The following SV2C variants were observed in gnomAD, a reference collection of about 807,000 sequenced individuals.
The protein encoded by SV2C is solute carrier family 22 member B3.
A neutral mutation model predicts 79.7 loss-of-function variants in SV2C; 49 were observed. The observed-to-expected ratio is 0.61, with a 90% CI of 0.49 to 0.78. The LOEUF is 0.78. Ranked by LOEUF, SV2C falls within the 30% of genes least tolerant of loss-of-function variation. The pLI is 0.00. For missense variants in SV2C, 833 were observed against 912.9 expected (o/e 0.91, Z 1.13); for synonymous variants, 334 against 333.2 (o/e 1.00, Z -0.03).
At chr5:76,232,109 C>T (rs931256048) in intron 4 of SV2C, among the ~76,000 whole-genome samples, 3 of 149,702 alleles carry the variant, frequency 2.0e-5, no homozygotes, top group African/African-American at 7.7e-5. Context: ...GTTGTTTCCT[C>T]ACTTTTTAAT....
chr5:76,182,170 G>T (rs1743754364), intron 2 of SV2C, among the ~76,000 whole-genome samples: 1 of 151,894 alleles, frequency 6.6e-6, no homozygotes, highest in Non-Finnish European at 1.5e-5. Context: ...TTATTGATTT[G>T]CATGTGTTGC....
chr5:76,080,531 C>T (rs1362509392), upstream of SV2C, among the ~76,000 whole-genome samples: 6 of 152,158 alleles, frequency 3.9e-5, no homozygotes, highest in African/African-American at 1.4e-4. Flanking sequence ...ATTCTATACC[C>T]ATTGTGTACT....
At chr5:76,280,929 C>A (rs148933170) in intron 4 of SV2C, 1 of 528,954 alleles carries the variant, frequency 1.9e-6, no homozygotes, top group African/African-American at 1.9e-5. Flanking sequence ...GCTGAGAGCG[C>A]GACAGGGTCT....
At chr5:76,183,030 A>ACC (rs1743797252) in intron 2 of SV2C, among the ~76,000 whole-genome samples, 1 of 102,072 alleles carries the variant, frequency 9.8e-6, no homozygotes, top group African/African-American at 4.1e-5. Context: ...AGAACCTACC[A>ACC]TTTTTTTTTT....
the SV2C span, among the ~76,000 whole-genome samples, chr5:76,048,989 AAGAAAG>A: frequency 8.4e-5 from 8 of 95,456 alleles, no homozygotes; most frequent in South Asian, 5.4e-4. Flanking sequence ...GAAAGAAAGA[AAGAAAG>A]AAAGAAAGAA....
chr5:76,265,223 T>G lies in SV2C; in HGVS notation c.914-19939T>G, dbSNP rs191227603. Among the ~76,000 whole-genome samples, 41 of 152,314 alleles carry G rather than the reference T, an allele frequency of 2.7e-4. No homozygotes were observed. In the East Asian group the frequency reaches 7.1e-3, roughly 27 times the overall value. ...ATGCTGTGTTGAGCTCCACCCAGTC[T>G]GAACTTCCAGGCCTCCTTAGTGCCG... On this transcript the variant is annotated intron_variant, in intron 4 of 12. Coordinates refer to ENST00000502798, the MANE Select transcript of SV2C (RefSeq NM_014979.4).
At chr5:76,011,938 A>T in the SV2C span, among the ~76,000 whole-genome samples, 2 of 151,802 alleles carry the variant, frequency 1.3e-5, no homozygotes, top group African/African-American at 4.8e-5. Flanking sequence ...AAGGACGTGA[A>T]CTCATTTTTT....
chr5:75,859,787 A>G, the SV2C span, among the ~76,000 whole-genome samples: 2,847 of 152,268 alleles, frequency 0.019, 47 homozygotes, highest in Middle Eastern at 0.048. Flanking sequence ...TAAAGATCTT[A>G]AGTAGTTTAG....
At chr5:76,086,517 G>A (rs567628638) in intron 1 of SV2C, among the ~76,000 whole-genome samples, 5 of 152,166 alleles carry the variant, frequency 3.3e-5, no homozygotes, top group Non-Finnish European at 7.4e-5. Context: ...GTATTTCTTG[G>A]TTCCATGTTG....
At chr5:76,172,058 A>G (rs1157021422) in intron 2 of SV2C, among the ~76,000 whole-genome samples, 1 of 72,564 alleles carries the variant, frequency 1.4e-5, no homozygotes, top group Non-Finnish European at 2.7e-5. Context: ...AGCCGCCCCT[A>G]CTGGGAAGTG....
At chr5:75,893,444 AG>A in the SV2C span, among the ~76,000 whole-genome samples, 2 of 152,172 alleles carry the variant, frequency 1.3e-5, no homozygotes, top group Non-Finnish European at 2.9e-5. Context: ...TGTCCTTTGC[AG>A]CAACGTGGAA....
At chr5:76,102,930 C>T (rs1372987462) in intron 1 of SV2C, among the ~76,000 whole-genome samples, 1 of 152,178 alleles carries the variant, frequency 6.6e-6, no homozygotes, top group African/African-American at 2.4e-5. Flanking sequence ...GCAGCCTTAA[C>T]ATTTAGAAGA....
At chr5:75,997,207 T>G in the SV2C span, among the ~76,000 whole-genome samples, 4 of 152,140 alleles carry the variant, frequency 2.6e-5, no homozygotes, top group Admixed American at 1.3e-4. Context: ...CTTGTTGAAT[T>G]TCGTCAAAGG....
chr5:75,921,392 T>C, the SV2C span: 1 of 844,580 alleles, frequency 1.2e-6, no homozygotes, highest in Non-Finnish European at 2.1e-6. Flanking sequence ...CTGCCCTGGG[T>C]CAAACTGCGC....
intron 12 of SV2C, among the ~76,000 whole-genome samples, chr5:76,303,518 T>A (rs984127824): frequency 1.3e-5 from 2 of 152,192 alleles, no homozygotes; most frequent in African/African-American, 2.4e-5. Context: ...GGCTAGGTCA[T>A]AGCCTCCTTC....
the SV2C span, among the ~76,000 whole-genome samples, chr5:75,906,149 C>T: frequency 3.7e-4 from 57 of 152,072 alleles, no homozygotes; most frequent in Middle Eastern, 3.4e-3. Context: ...AGTAACAAGC[C>T]TCAGTTGTGA....
At chr5:75,870,334 G>A in the SV2C span, among the ~76,000 whole-genome samples, 1 of 151,864 alleles carries the variant, frequency 6.6e-6, no homozygotes, top group Non-Finnish European at 1.5e-5. Context: ...AAAGAATCAA[G>A]CAGAAATCTG....
intron 3 of SV2C, among the ~76,000 whole-genome samples, chr5:76,196,877 C>T (rs12655684): frequency 0.18 from 27,222 of 152,202 alleles, 2,544 homozygotes; most frequent in African/African-American, 0.24. Context: ...AAAAGGTCCA[C>T]TGTGGTGGCT....
At chr5:76,213,178 A>G (rs1376742506) in intron 4 of SV2C, among the ~76,000 whole-genome samples, 1 of 151,666 alleles carries the variant, frequency 6.6e-6, no homozygotes, top group African/African-American at 2.4e-5. Context: ...GAAGTGTGGC[A>G]AAAAAAACAT....
Sources: allele counts gnomAD v4.1 joint callset (sites outside exome capture counted in the v4.1 genomes callset), GRCh38; gene constraint gnomAD v4.1.1; transcripts MANE v1.5; gene names NCBI Gene and HGNC (gene_info 2026-07-23, HGNC 2026-07-21).